Variants in LRPPRC observed in about 807,000 individuals in gnomAD.
The protein encoded by LRPPRC is leucine-rich PPR motif-containing protein, mitochondrial.
A neutral mutation model predicts 180.3 loss-of-function variants in LRPPRC; 120 were observed. The ratio of observed to expected loss-of-function variants is 0.67; its 90% CI spans 0.57 to 0.77. The LOEUF (loss-of-function observed/expected upper bound fraction) is 0.77, where lower values mean the gene tolerates loss of function less well. Ranked by LOEUF, LRPPRC falls within the 30% of genes least tolerant of loss-of-function variation. The pLI, the probability that LRPPRC is intolerant of heterozygous loss-of-function variation, is 0.00. For synonymous variants in LRPPRC, 723 were observed against 600.0 expected, an observed-to-expected ratio of 1.21 and a Z score of -3.00; for missense variants, 2,012 against 1,657.2, an observed-to-expected ratio of 1.21 and a Z score of -3.72.
At chr2:43,982,893 T>G (rs1216125894) in intron 1 of LRPPRC, among the ~76,000 whole-genome samples, 1 of 151,922 alleles carries the variant, frequency 6.6e-6, no homozygotes. Flanking sequence ...TTACTATGAA[T>G]TTAAAAGAAG....
intron 14 of LRPPRC, among the ~76,000 whole-genome samples, chr2:43,953,356 A>G (rs1232413263): frequency 6.6e-6 from 1 of 152,248 alleles, no homozygotes; most frequent in Non-Finnish European, 1.5e-5. Context: ...AATAAGAAAA[A>G]TTAACCAATG....
At chr2:43,890,119 T>C (rs1670433788) in intron 36 of LRPPRC, 3 of 543,412 alleles carry the variant, frequency 5.5e-6, no homozygotes, top group East Asian at 3.5e-5. Context: ...TAAAGGACTT[T>C]AGAATAATAT....
At chr2:43,980,027 T>C (rs1674234368) in intron 2 of LRPPRC, 79 bp from the exon 3 acceptor site, 1 of 1,385,752 alleles carries the variant, frequency 7.2e-7, no homozygotes, top group Non-Finnish European at 1.0e-6. Context: ...TAAACAGAAA[T>C]CTATAAGCAT....
intron 15 of LRPPRC, 150 bp from the exon 16 acceptor site, chr2:43,949,809 G>A (rs1164727706): frequency 3.0e-6 from 2 of 671,562 alleles, no homozygotes; most frequent in Non-Finnish European, 5.4e-6. Context: ...ACCCGCCAAG[G>A]AGATTGTTTT....
chr2:43,971,806 G>A (rs1476078175), intron 11 of LRPPRC, among the ~76,000 whole-genome samples: 2 of 152,026 alleles, frequency 1.3e-5, no homozygotes. Context: ...CCATTTCTCT[G>A]TTATATAAAA....
At chr2:43,966,336 G>T (rs904276189) in intron 11 of LRPPRC, among the ~76,000 whole-genome samples, 1 of 152,018 alleles carries the variant, frequency 6.6e-6, no homozygotes, top group African/African-American at 2.4e-5. Context: ...CAGTTATACG[G>T]TAAATAAGTT....
rs111820181 is a variant in LRPPRC, at chr2:43,906,242, C to T, written c.3276-462G>A. Among the ~76,000 whole-genome samples, 137 of 152,134 alleles carry T rather than the reference C, an allele frequency of 9.0e-4. 1 individual carries two copies. Among genetic ancestry groups the T allele is most frequent in the Non-Finnish European group, 1.6e-3 (112 of 68,040 alleles). On this transcript the variant is annotated intron_variant, in intron 30 of 37. Coordinates refer to ENST00000260665, the MANE Select transcript of LRPPRC (RefSeq NM_133259.4). ...TAAAAACTAAAGCAGATTACTAACA[C>T]TCTATCATTTGGTCAATTAATTTTC...
chr2:43,914,669 A>C (rs1438390025), intron 29 of LRPPRC, among the ~76,000 whole-genome samples: 1 of 151,946 alleles, frequency 6.6e-6, no homozygotes, highest in Non-Finnish European at 1.5e-5. Flanking sequence ...CAGAGGCTGC[A>C]GTGAGCTAAG....
chr2:43,960,146 T>A lies in LRPPRC; in HGVS notation c.1582+395A>T, dbSNP rs540909710. On this transcript the variant is annotated intron_variant, in intron 13 of 37. Coordinates refer to ENST00000260665, the MANE Select transcript of LRPPRC (RefSeq NM_133259.4). ...GAAGTCTTTATAATAGATGTTAGTT[T>A]AAAAAACACTTCAGAAACAATACCG... 7.7e-4 allele frequency among the ~76,000 whole-genome samples: 117 copies of A among 152,320 alleles called. 4 individuals are homozygous for A. Among genetic ancestry groups the A allele is most frequent in the Non-Finnish European group, 2.2e-4 (15 of 68,020 alleles).
intron 30 of LRPPRC, among the ~76,000 whole-genome samples, chr2:43,910,644 G>A (rs947103230): frequency 1.3e-5 from 2 of 152,052 alleles, no homozygotes; most frequent in African/African-American, 4.8e-5. Context: ...AATCACATGC[G>A]ATCAGAATGC....
intron 6 of LRPPRC, 90 bp downstream of exon 6, chr2:43,976,053 C>A: frequency 2.6e-6 from 2 of 756,062 alleles, no homozygotes; most frequent in Non-Finnish European, 4.7e-6. Context: ...AATTTAAACC[C>A]CACTTAACAA....
intron 36 of LRPPRC, among the ~76,000 whole-genome samples, chr2:43,892,068 T>C (rs1178450416): frequency 1.3e-5 from 2 of 152,148 alleles, no homozygotes; most frequent in African/African-American, 4.8e-5. Context: ...GGCTGGTTCA[T>C]GAGGTTTAAG....
intron 1 of LRPPRC, among the ~76,000 whole-genome samples, chr2:43,992,496 TAA>T (rs1440978492): frequency 1.3e-5 from 2 of 152,160 alleles, no homozygotes; most frequent in African/African-American, 4.8e-5. Flanking sequence ...GCACCTGTGC[TAA>T]AGAGTCTGGA....
At chr2:43,947,901 C>T (rs1483147997) in intron 18 of LRPPRC, 126 bp from the exon 19 acceptor site, 19 of 711,900 alleles carry the variant, frequency 2.7e-5, no homozygotes, top group Admixed American at 4.2e-5. Context: ...AAATTTTAGA[C>T]ATTCTCTTCA....
intron 27 of LRPPRC, among the ~76,000 whole-genome samples, chr2:43,919,227 T>C (rs989255288): frequency 1.3e-5 from 2 of 152,054 alleles, no homozygotes; most frequent in Non-Finnish European, 2.9e-5. Flanking sequence ...AACAGTTTCA[T>C]CCCCAAACCA....
Position 43,977,193 on chromosome 2 carries a change from G to C in LRPPRC, c.553C>G (p.Leu185Val), listed in dbSNP as rs779018986. Reference protein sequence around the residue: ...NEYKFSPTDFLAKMEEANIQP... With the variant: ...NEYKFSPTDFVAKMEEANIQP... ...ATGTTTGCTTCCTCCATTTTTGCCA[G>C]GAAATCAGTTGGTGAGAATTTATAT... The change falls in exon 4 of 38, where the codon CTG (leucine) becomes GTG (valine). Residue 185 changes from leucine (L) to valine (V), a missense_variant. Physicochemically the swap from Leu to Val is conservative, Grantham distance 32 (BLOSUM62 1). Transcript: ENST00000260665. The C allele has an allele frequency of 1.6e-5, 25 of 1,609,702 alleles. No individual in the cohort carries two copies. The highest frequency in any genetic ancestry group is 2.1e-5 in the Non-Finnish European group (25 of 1,176,172).
At chr2:43,925,463 T>C (rs1201561949) in intron 26 of LRPPRC, among the ~76,000 whole-genome samples, 1 of 151,860 alleles carries the variant, frequency 6.6e-6, no homozygotes, top group Non-Finnish European at 1.5e-5. Context: ...ACTCAATGAG[T>C]GTATCGTACG....
At chr2:43,958,881 A>C (rs1422882939) in intron 13 of LRPPRC, 4 of 242,046 alleles carry the variant, frequency 1.7e-5, no homozygotes, top group Non-Finnish European at 2.4e-5. Flanking sequence ...CTGACAGGAA[A>C]AGCTCAAATA....
chr2:43,957,363 A>G lies in LRPPRC; in HGVS notation c.1649+22T>C. On this transcript the variant is annotated intron_variant, in intron 14 of 37. Coordinates refer to ENST00000260665, the MANE Select transcript of LRPPRC (RefSeq NM_133259.4). ...AAATCAGTCCATGTTCAGGCAAGGA[A>G]CATTTAAGTTGATCATCTTACCTCC... is the stretch of plus-strand genomic sequence containing the variant. The G allele has an allele frequency of 1.3e-6, 2 of 1,566,400 alleles. 1 individual carries two copies. Among genetic ancestry groups the G allele is most frequent in the East Asian group, 4.5e-5 (2 of 44,648 alleles).
Sources: gnomAD v4.1 joint callset for allele counts (sites outside exome capture counted in the v4.1 genomes callset) on GRCh38, gnomAD v4.1.1 for gene constraint, MANE v1.5 for transcripts, NCBI Gene and HGNC (gene_info 2026-07-23, HGNC 2026-07-21) for gene names.